The following CAMK2G variants were observed in gnomAD, a reference collection of about 807,000 sequenced individuals.
CAMK2G encodes calcium/calmodulin dependent protein kinase II gamma, also known as calcium/calmodulin-dependent protein kinase type II subunit gamma.
CAMK2G carries 23 observed loss-of-function variants against 88.7 expected under a neutral mutation model. That is an observed-to-expected ratio of 0.26 (90% confidence interval 0.19 to 0.37). The LOEUF (loss-of-function observed/expected upper bound fraction) is 0.37. CAMK2G is among the 10% of genes least tolerant of loss of function. CAMK2G has a pLI of 1.00. For missense variants in CAMK2G, 476 were observed against 780.8 expected (o/e 0.61, Z 4.65); for synonymous variants, 263 against 294.8 (o/e 0.89, Z 1.11).
At chr10:73,821,125 A>C (rs1452004414) in intron 18 of CAMK2G, among the ~76,000 whole-genome samples, 1 of 150,424 alleles carries the variant, frequency 6.6e-6, no homozygotes, top group African/African-American at 2.5e-5. Context: ...ATTTGTTCCT[A>C]ATTTTTTTTT....
chr10:73,825,055 AAGGAGC>A (rs748593177), intron 16 of CAMK2G, among the ~76,000 whole-genome samples: 2 of 152,316 alleles, frequency 1.3e-5, no homozygotes, highest in East Asian at 1.9e-4. Context: ...CCACCAGCGA[AAGGAGC>A]AGGAGCAGGA....
chr10:73,848,658 G>A lies in CAMK2G; in HGVS notation c.518-49C>T, dbSNP rs761915442. 1.3e-5 allele frequency: 14 copies of A among 1,073,150 alleles called. No homozygotes were observed. The highest frequency in any genetic ancestry group is 1.2e-4 in the South Asian group (9 of 73,566). The allele number at this position is 1,073,150 out of a possible 1,614,324, so 66.5% of individuals were successfully genotyped here. On this transcript the variant is annotated intron_variant, in intron 7 of 22. Coordinates refer to ENST00000423381, the MANE Select transcript of CAMK2G (RefSeq NM_001367534.1). The surrounding 1 kb of genome is among the most constrained non-coding windows in gnomAD (Gnocchi z 4.5). ...GCATACTGAACCCACTTTCTCTCTC[G>A]TTAAATCCACACCAGCCATTTCCCC...
intron 2 of CAMK2G, among the ~76,000 whole-genome samples, chr10:73,868,296 C>T (rs2095665398): frequency 6.6e-6 from 1 of 152,150 alleles, no homozygotes; most frequent in Admixed American, 6.5e-5. Context: ...GCCTCCCTGA[C>T]AGGACAGGGC....
rs1339976815 is a variant in CAMK2G at position 73,874,467 on chromosome 10, C to T, written c.-6G>A. 2.0e-6 allele frequency: 3 copies of T among 1,489,930 alleles called. No individual in the cohort carries two copies. The highest frequency in any genetic ancestry group is 1.9e-4 in the Middle Eastern group (1 of 5,396). The allele number at this position is 1,489,930 out of a possible 1,614,324, so 92.3% of individuals were successfully genotyped here. ...CAGGTGGCGGTGGTGGCCATGCTGG[C>T]GGGCGGGCGGACGCGGCGGTGCAGC... On this transcript the variant is annotated 5_prime_UTR_variant, in exon 1 of 23. Transcript: ENST00000423381.
At chr10:73,874,176 C>A (rs1380944799) in intron 1 of CAMK2G, among the ~76,000 whole-genome samples, 1 of 140,160 alleles carries the variant, frequency 7.1e-6, no homozygotes, top group Non-Finnish European at 1.5e-5. Context: ...TCCGCGGCGG[C>A]GCGTGGGGAG....
chr10:73,844,079 C>G (rs2094030983), intron 10 of CAMK2G, among the ~76,000 whole-genome samples: 1 of 152,046 alleles, frequency 6.6e-6, no homozygotes, highest in East Asian at 1.9e-4. Context: ...AGTTAAGCCT[C>G]TCCTTAAACA....
At chr10:73,853,440 G>A (rs530398333) in intron 3 of CAMK2G, among the ~76,000 whole-genome samples, 194 bp from the exon 4 acceptor site, 3 of 152,330 alleles carry the variant, frequency 2.0e-5, no homozygotes, top group East Asian at 3.9e-4. Flanking sequence ...AGAGCCTGGC[G>A]CTCTGGTTGC....
intron 2 of CAMK2G, among the ~76,000 whole-genome samples, chr10:73,870,313 G>A (rs2095778023): frequency 1.3e-5 from 2 of 152,252 alleles, no homozygotes; most frequent in Admixed American, 6.5e-5. Flanking sequence ...TGAAGCAAAC[G>A]GAGTGACGTT....
At chr10:73,859,142 C>T (rs1436565472) in intron 3 of CAMK2G, among the ~76,000 whole-genome samples, 2 of 152,240 alleles carry the variant, frequency 1.3e-5, no homozygotes, top group East Asian at 3.8e-4. Context: ...TGGCTTTAGT[C>T]ACGCACATGT....
At position 73,843,040 on chromosome 10, in the gene CAMK2G, T is replaced by C. The variant is rs1028206136; in HGVS notation, c.820-499A>G. On this transcript the variant is annotated intron_variant, in intron 10 of 22. Coordinates refer to ENST00000423381, the MANE Select transcript of CAMK2G (RefSeq NM_001367534.1). ...ATCCCAGAAGCTAAGGATCGTCACCTTGAAGCATCAATTCTTTTCATCATT... is the reference window on the plus strand; with the variant it reads ...ATCCCAGAAGCTAAGGATCGTCACCCTGAAGCATCAATTCTTTTCATCATT... 7.2e-5 allele frequency among the ~76,000 whole-genome samples: 11 copies of C among 152,118 alleles called. No individual in the cohort carries two copies. In the East Asian group the frequency reaches 1.9e-3, roughly 27 times the overall value.
At chr10:73,855,990 G>A (rs1366670130) in intron 3 of CAMK2G, among the ~76,000 whole-genome samples, 3 of 151,886 alleles carry the variant, frequency 2.0e-5, no homozygotes, top group African/African-American at 7.3e-5. Flanking sequence ...CCCAGGCTGG[G>A]CTGGAGATCC....
chr10:73,814,837 T>C (rs1316670782), intron 22 of CAMK2G, 166 bp downstream of exon 22: 1 of 600,426 alleles, frequency 1.7e-6, no homozygotes, highest in East Asian at 2.8e-5. Context: ...CCCTAGTCTG[T>C]CTGATTTCCA....
At chr10:73,816,701 C>A in intron 21 of CAMK2G, 1 of 1,169,060 alleles carries the variant, frequency 8.6e-7, no homozygotes, top group Non-Finnish European at 1.1e-6. Context: ...CCTCGTGATC[C>A]GCCAGCCTCA....
At position 73,814,177 on chromosome 10, in the gene CAMK2G, C is replaced by G. The variant is rs2084742413; in HGVS notation, c.*341G>C. On this transcript the variant is annotated 3_prime_UTR_variant, in exon 23 of 23. Transcript: ENST00000423381. The stretch of plus-strand genomic sequence containing the variant: ...GCCGGTGGGTGAGCCACTGCTCATG[C>G]CAGGATGGACCTCATACATACTCCT... 1 of 152,020 alleles carries G rather than the reference C, an allele frequency of 6.6e-6. No homozygotes were observed. Among genetic ancestry groups the G allele is most frequent in the Non-Finnish European group, 1.5e-5 (1 of 68,000 alleles). The allele number at this position is 152,020 out of a possible 1,614,324, so 9.4% of individuals were successfully genotyped here.
intron 14 of CAMK2G, among the ~76,000 whole-genome samples, chr10:73,831,123 A>G (rs944728157): frequency 4.6e-5 from 7 of 152,300 alleles, no homozygotes; most frequent in Non-Finnish European, 1.0e-4. Context: ...CAGCCACAAC[A>G]TAAGTTGTTA....
In CAMK2G at chr10:73,842,362, C is replaced by T; in HGVS notation, c.903+96G>A. The T allele has an allele frequency of 8.4e-7, 1 of 1,187,916 alleles. No individual in the cohort carries two copies. The highest frequency in any genetic ancestry group is 1.3e-6 in the Non-Finnish European group (1 of 792,578). The allele number at this position is 1,187,916 out of a possible 1,614,324, so 73.6% of individuals were successfully genotyped here. ...ATGTACAACCTTCAGAGCCCAGCTC[C>T]AGCCAGGAGGGGAGCTTCCTTCTGA... On this transcript the variant is annotated intron_variant, in intron 11 of 22. Transcript: ENST00000423381. This position sits in a 1 kb window ranked among gnomAD's most constrained non-coding sequence, Gnocchi z 4.6.
intron 14 of CAMK2G, chr10:73,836,973 G>A (rs575879554): frequency 1.0e-4 from 17 of 162,336 alleles, no homozygotes; most frequent in Non-Finnish European, 1.5e-4. Context: ...AAGAAAGCTC[G>A]AGGCTGTTGC....
chr10:73,814,891 C>T, intron 22 of CAMK2G, 112 bp downstream of exon 22: 1 of 694,928 alleles, frequency 1.4e-6, no homozygotes. Flanking sequence ...TGCCAGTCCT[C>T]TGGGACGGCC....
intron 2 of CAMK2G, among the ~76,000 whole-genome samples, chr10:73,865,220 A>T (rs2095541209): frequency 6.6e-6 from 1 of 152,158 alleles, no homozygotes; most frequent in Non-Finnish European, 1.5e-5. Flanking sequence ...ATGGTCCTCC[A>T]TTGCAGTCCT....
Sources: allele counts gnomAD v4.1 joint callset (sites outside exome capture counted in the v4.1 genomes callset), GRCh38; gene constraint gnomAD v4.1.1; non-coding constraint Gnocchi (gnomAD v3.1); transcripts MANE v1.5; gene names NCBI Gene and HGNC (gene_info 2026-07-23, HGNC 2026-07-21).